ELP3: variants seen among roughly 807,000 people sequenced by gnomAD.
ELP3 encodes elongator acetyltransferase complex subunit 3, also known as elongator complex protein 3.
In ELP3, 56 loss-of-function variants were observed where a neutral mutation model predicts 74.9. The ratio of observed to expected loss-of-function variants is 0.75; its 90% CI spans 0.60 to 0.93. The LOEUF (loss-of-function observed/expected upper bound fraction) is 0.93. ELP3 is among the 40% of genes least tolerant of loss of function. The probability of loss-of-function intolerance (pLI) is 0.00; values close to 1 mark genes in which losing one functional copy is unlikely to be tolerated. For missense variants in ELP3, 573 were observed against 686.5 expected (o/e 0.83, Z 1.85); for synonymous variants, 222 against 239.8 (o/e 0.93, Z 0.68).
At chr8:28,095,895 C>G (rs973731514) in intron 1 of ELP3, among the ~76,000 whole-genome samples, 101 of 152,276 alleles carry the variant, frequency 6.6e-4, no homozygotes, top group Non-Finnish European at 9.1e-4. Flanking sequence ...GTCCTCAGCC[C>G]CCTGGGCCAC....
chr8:28,175,810 C>A (rs1199834325), intron 14 of ELP3, among the ~76,000 whole-genome samples: 1 of 78,248 alleles, frequency 1.3e-5, no homozygotes, highest in African/African-American at 5.1e-5. Flanking sequence ...TGTCTAGTGA[C>A]TTTTTTTTTT....
intron 14 of ELP3, among the ~76,000 whole-genome samples, chr8:28,169,735 G>T (rs1395939289): frequency 1.3e-5 from 2 of 152,166 alleles, no homozygotes; most frequent in Non-Finnish European, 2.9e-5. Context: ...GGGTGCCTTT[G>T]GCTCAACATC....
At chr8:28,180,663 C>G (rs1382080422) in intron 14 of ELP3, among the ~76,000 whole-genome samples, 1 of 152,152 alleles carries the variant, frequency 6.6e-6, no homozygotes, top group Admixed American at 6.5e-5. Flanking sequence ...ACTTCAAGAC[C>G]TAGGTGATGC....
chr8:28,096,937 T>G (rs1228881946), intron 1 of ELP3, among the ~76,000 whole-genome samples: 1 of 152,246 alleles, frequency 6.6e-6, no homozygotes, highest in African/African-American at 2.4e-5. Context: ...TCTCCTCACA[T>G]TGTTTCTACT....
At chr8:28,155,920 T>C in intron 10 of ELP3, 22 bp from the exon 11 acceptor site, 1 of 1,584,094 alleles carries the variant, frequency 6.3e-7, no homozygotes, top group South Asian at 1.1e-5. Flanking sequence ...TGCAACAGCT[T>C]ATGTTTTTCT....
At chr8:28,129,890 ATCTC>A (rs1426438042) in intron 8 of ELP3, among the ~76,000 whole-genome samples, 1 of 152,152 alleles carries the variant, frequency 6.6e-6, no homozygotes, top group Non-Finnish European at 1.5e-5. Flanking sequence ...AAACACACTC[ATCTC>A]TCTCCCTCTT....
rs572310068 is a variant in ELP3, at chr8:28,100,058, G to A, written c.258+92G>A. 362 of 1,545,472 alleles carry A rather than the reference G, an allele frequency of 2.3e-4. No individual in the cohort carries two copies. In the African/African-American group the frequency reaches 4.2e-3, roughly 18 times the overall value. ...TGTGACGCCCGTGTAGTGAGGTAGA[G>A]GTTGGGGATTCTGAACTAATGAAGT... On this transcript the variant is annotated intron_variant, in intron 3 of 14. Coordinates refer to ENST00000256398, the MANE Select transcript of ELP3 (RefSeq NM_018091.6).
At chr8:28,129,694 T>G (rs762775317) in intron 8 of ELP3, 31 bp downstream of exon 8, 3 of 1,611,924 alleles carry the variant, frequency 1.9e-6, no homozygotes, top group Non-Finnish European at 8.5e-7. Context: ...CTTGCACAAG[T>G]CTTCCTCCAA....
intron 7 of ELP3, among the ~76,000 whole-genome samples, chr8:28,121,860 C>T (rs1812387027): frequency 2.0e-5 from 3 of 152,166 alleles, no homozygotes; most frequent in African/African-American, 7.2e-5. Context: ...TGCCTAGGAC[C>T]TTTTCTTACA....
intron 10 of ELP3, among the ~76,000 whole-genome samples, chr8:28,138,865 C>T (rs1813102398): frequency 6.6e-6 from 1 of 152,192 alleles, no homozygotes; most frequent in Non-Finnish European, 1.5e-5. Flanking sequence ...CCTATATGGT[C>T]TCTATTTTTA....
rs193277262 is a variant in ELP3, at chr8:28,141,848, A to G, written c.1100+3957A>G. 3.5e-3 allele frequency among the ~76,000 whole-genome samples: 532 copies of G among 152,330 alleles called. 3 individuals are homozygous for G. Among genetic ancestry groups the G allele is most frequent in the African/African-American group, 0.012 (505 of 41,572 alleles). On this transcript the variant is annotated intron_variant, in intron 10 of 14. Transcript: ENST00000256398. The stretch of plus-strand genomic sequence containing the variant: ...AGCAACCAGAAAGCAGTAAAGATGC[A>G]GCTTCTCAGCCGCAGAGCATGGCAA...
intron 10 of ELP3, among the ~76,000 whole-genome samples, chr8:28,140,114 TTGTGTGTGTGTGTGTGTG>T (rs56981709): frequency 3.5e-5 from 5 of 143,690 alleles, no homozygotes; most frequent in African/African-American, 1.0e-4. Context: ...TGTACATATT[TTGTGTGTGTGTGTGTGTG>T]TGTGTGTGTG....
At chr8:28,127,697 G>A (rs1812634361) in intron 7 of ELP3, among the ~76,000 whole-genome samples, 1 of 152,094 alleles carries the variant, frequency 6.6e-6, no homozygotes. Context: ...TTTCAGAGAA[G>A]CCAAATTAGT....
chr8:28,174,823 G>A (rs930106219), intron 14 of ELP3, among the ~76,000 whole-genome samples: 1 of 152,120 alleles, frequency 6.6e-6, no homozygotes, highest in Admixed American at 6.5e-5. Context: ...TATAGGGCAG[G>A]TTTAGTAGTA....
At chr8:28,093,018 G>A (rs2305452), upstream of ELP3, 257,519 of 844,766 alleles carry the variant, frequency 0.3, 40,962 homozygotes, top group South Asian at 0.33. Context: ...GGGGCCTCAC[G>A]GGCCGCCTGC....
chr8:28,124,442 C>T (rs1007862634), intron 7 of ELP3, among the ~76,000 whole-genome samples: 6 of 152,136 alleles, frequency 3.9e-5, no homozygotes, highest in Non-Finnish European at 8.8e-5. Flanking sequence ...ACCTTTCTGT[C>T]ATCTATGATT....
chr8:28,110,268 C>T (rs1811863079), intron 5 of ELP3, 102 bp from the exon 6 acceptor site: 2 of 1,003,120 alleles, frequency 2.0e-6, no homozygotes, highest in Non-Finnish European at 3.1e-6. Context: ...GCCACGTTTT[C>T]AGTGTTCGGA....
In ELP3 at chr8:28,132,284, C is replaced by T. The variant is rs768762720; in HGVS notation, c.786C>T (p.His262=). ...AGTGATTTTCTTTCCTTAGGGGCCA[C>T]ACTGTGAAGGCAGTGTGTGAGTCAT... The part of the protein sequence containing the change: ...EDVARDTNRG[H]TVKAVCESFH... The change falls in exon 9 of 15, where the codon CAC becomes CAT. Residue 262 remains histidine (H), a synonymous_variant. Coordinates refer to ENST00000256398, the MANE Select transcript of ELP3 (RefSeq NM_018091.6). 6.2e-7 allele frequency: 1 copy of T among 1,614,024 alleles called. No individual in the cohort carries two copies. The highest frequency in any genetic ancestry group is 8.5e-7 in the Non-Finnish European group (1 of 1,179,944).
intron 13 of ELP3, 90 bp from the exon 14 acceptor site, chr8:28,161,907 A>T: frequency 2.3e-6 from 3 of 1,285,578 alleles, no homozygotes; most frequent in African/African-American, 1.5e-5. Context: ...TTTAGCAACT[A>T]CTAAAGTATA....
Sources: gnomAD v4.1 joint callset for allele counts (sites outside exome capture counted in the v4.1 genomes callset) on GRCh38, gnomAD v4.1.1 for gene constraint, MANE v1.5 for transcripts, NCBI Gene and HGNC (gene_info 2026-07-23, HGNC 2026-07-21) for gene names.